Variants in CCNJL observed in about 807,000 individuals in gnomAD.
The protein encoded by CCNJL is cyclin J like, also known as cyclin-J-like protein.
A neutral mutation model predicts 33.4 loss-of-function variants in CCNJL; 33 were observed. The ratio of observed to expected loss-of-function variants is 0.99; its 90% confidence interval spans 0.75 to 1.32. The LOEUF is 1.32. CCNJL is among the 40% of genes most tolerant of loss of function. The pLI, the probability that CCNJL is intolerant of heterozygous loss-of-function variation, is 0.00. For synonymous variants in CCNJL, 227 were observed against 220.9 expected (o/e 1.03, Z -0.24); for missense variants, 512 against 499.7 (o/e 1.02, Z -0.23).
In CCNJL at chr5:160,253,510, G is replaced by A. The variant is rs753664479; in HGVS notation, c.1032C>T (p.Pro344=). 14 of 1,614,192 alleles carry A rather than the reference G, an allele frequency of 8.7e-6. No individual in the cohort carries two copies. Among genetic ancestry groups the A allele is most frequent in the Admixed American group, 3.3e-5 (2 of 60,020 alleles). ...TGCTAAGGGATGCAGGGACGGGCACGGGACACATATCCAAGGGCTGCAGCG... is the reference window on the plus strand; with the variant it reads ...TGCTAAGGGATGCAGGGACGGGCACAGGACACATATCCAAGGGCTGCAGCG... The part of the protein sequence containing the change: ...YQPLQPLDMC[P]VPVPASLSMH... Residue 344 remains proline, a synonymous_variant, in exon 6 of 6, where the codon CCC becomes CCT. Coordinates refer to ENST00000257536, the MANE Select transcript of CCNJL (RefSeq NM_001308173.3).
intron 1 of CCNJL, among the ~76,000 whole-genome samples, chr5:160,335,000 T>C (rs147545863): frequency 0.019 from 2,894 of 152,372 alleles, 85 homozygotes; most frequent in African/African-American, 0.065. Flanking sequence ...CAGTGGCTCA[T>C]GCCTCTAATC....
chr5:160,334,530 A>T (rs1329983167), intron 1 of CCNJL, among the ~76,000 whole-genome samples: 3 of 152,184 alleles, frequency 2.0e-5, no homozygotes, highest in Non-Finnish European at 4.4e-5. Context: ...CTTATGAGAT[A>T]CTACTATTAT....
intron 3 of CCNJL, among the ~76,000 whole-genome samples, chr5:160,260,458 T>C (rs183820662): frequency 3.3e-5 from 5 of 152,266 alleles, no homozygotes; most frequent in Admixed American, 2.0e-4. Context: ...TTAATCCTAC[T>C]GAGGAATTCT....
intron 3 of CCNJL, among the ~76,000 whole-genome samples, chr5:160,265,408 C>T (rs1029825613): frequency 2.0e-5 from 3 of 152,128 alleles, no homozygotes; most frequent in African/African-American, 7.2e-5. Flanking sequence ...GAGACCGAAG[C>T]AGGCGGATCA....
upstream of CCNJL, chr5:160,315,318 A>AACAC (rs57432164): frequency 0.04 from 4,203 of 103,960 alleles, 189 homozygotes; most frequent in African/African-American, 0.12. Flanking sequence ...CCCGCCCCCC[A>AACAC]ACACACACAC....
intron 3 of CCNJL, among the ~76,000 whole-genome samples, chr5:160,267,348 G>C (rs1275933017): frequency 1.3e-5 from 2 of 151,980 alleles, no homozygotes; most frequent in South Asian, 2.1e-4. Context: ...GAAAGGTTGA[G>C]TTACCCCGAT....
At chr5:160,334,084 C>T (rs533418363) in intron 1 of CCNJL, among the ~76,000 whole-genome samples, 1 of 152,206 alleles carries the variant, frequency 6.6e-6, no homozygotes, top group Non-Finnish European at 1.5e-5. Flanking sequence ...TCAGGAATCG[C>T]ATGCTGTGAC....
At chr5:160,271,223 A>G (rs1216559803) in intron 3 of CCNJL, among the ~76,000 whole-genome samples, 1 of 152,202 alleles carries the variant, frequency 6.6e-6, no homozygotes, top group Non-Finnish European at 1.5e-5. Flanking sequence ...AGTGCTAGCT[A>G]TCACAACTGA....
chr5:160,334,720 T>A (rs1763661686), intron 1 of CCNJL, among the ~76,000 whole-genome samples: 1 of 152,200 alleles, frequency 6.6e-6, no homozygotes, highest in African/African-American at 2.4e-5. Flanking sequence ...TTGTCGAGCA[T>A]TTCTCCCACA....
Position 160,295,300 on chromosome 5 carries a change from C to T in CCNJL, c.67-14562G>A, listed in dbSNP as rs183662044. Reference sequence around the variant, plus strand: ...GGTCAAGAGATCGAGACCATCCTGTCCAACAGGTGAAACCCTGTCTCTACT... The same window carrying T: ...GGTCAAGAGATCGAGACCATCCTGTTCAACAGGTGAAACCCTGTCTCTACT... On this transcript the variant is annotated intron_variant, in intron 2 of 5. Coordinates refer to ENST00000257536, the MANE Select transcript of CCNJL (RefSeq NM_001308173.3). 2.0e-3 allele frequency among the ~76,000 whole-genome samples: 299 copies of T among 152,256 alleles called. 4 individuals are homozygous for T. The highest frequency in any genetic ancestry group is 5.9e-4 in the Non-Finnish European group (40 of 68,028).
chr5:160,315,519 C>T (rs766638783), upstream of CCNJL: 2 of 323,770 alleles, frequency 6.2e-6, no homozygotes, highest in South Asian at 4.3e-5. Context: ...AAAACAAAAA[C>T]AAAAACAAGA....
At chr5:160,266,970 G>A (rs563791217) in intron 3 of CCNJL, among the ~76,000 whole-genome samples, 40 of 152,258 alleles carry the variant, frequency 2.6e-4, no homozygotes, top group African/African-American at 9.1e-4. Flanking sequence ...TGAGTGTTGC[G>A]TCCAAGGCCT....
Position 160,250,797 on chromosome 5 carries a change from C to T in CCNJL, c.*2581G>A, listed in dbSNP as rs558187167. On this transcript the variant is annotated 3_prime_UTR_variant, in exon 6 of 6. Transcript: ENST00000257536. ...ATTAGTGCATAAAATAATAGTGCAT[C>T]TTACAAAAAGCTGATCTTATGCTTG... 1 of 152,324 alleles carries T rather than the reference C, an allele frequency of 6.6e-6. No individual in the cohort carries two copies. Among genetic ancestry groups the T allele is most frequent in the East Asian group, 1.9e-4 (1 of 5,188 alleles). The allele number at this position is 152,324 out of a possible 1,614,324, so 9.4% of individuals were successfully genotyped here. A position where few individuals can be genotyped will look rare whatever the true frequency, so the allele number is the denominator to read the frequency against.
At chr5:160,305,014 C>T (rs1205362196) in intron 2 of CCNJL, among the ~76,000 whole-genome samples, 1 of 151,988 alleles carries the variant, frequency 6.6e-6, no homozygotes, top group Non-Finnish European at 1.5e-5. Flanking sequence ...CGGGGCTTCA[C>T]CTTGTTGGCC....
chr5:160,309,489 T>C lies in CCNJL; in HGVS notation c.66+2369A>G, dbSNP rs187085063. ...CAGGCAACATTCAACTAAGAGTGTC[T>C]ACTGTGTGCCACGCTCTTGTAAAGT... On this transcript the variant is annotated intron_variant, in intron 2 of 5. Coordinates refer to ENST00000257536, the MANE Select transcript of CCNJL (RefSeq NM_001308173.3). 1.9e-3 allele frequency among the ~76,000 whole-genome samples: 297 copies of C among 152,338 alleles called. 1 individual carries two copies. Among genetic ancestry groups the C allele is most frequent in the Non-Finnish European group, 3.3e-3 (224 of 68,030 alleles).
At chr5:160,284,873 C>CT (rs915499338) in intron 2 of CCNJL, among the ~76,000 whole-genome samples, 24 of 149,688 alleles carry the variant, frequency 1.6e-4, no homozygotes, top group Non-Finnish European at 1.9e-4. Context: ...CTTTTTTCAA[C>CT]TTTTTTTTTT....
chr5:160,314,073 G>A (rs1451983807), upstream of CCNJL, among the ~76,000 whole-genome samples: 1 of 152,206 alleles, frequency 6.6e-6, no homozygotes, highest in Non-Finnish European at 1.5e-5. Flanking sequence ...GTAGGCTGAG[G>A]CAGGAGAGTC....
chr5:160,327,121 A>T (rs113991220), intron 1 of CCNJL, among the ~76,000 whole-genome samples: 17 of 133,708 alleles, frequency 1.3e-4, no homozygotes, highest in South Asian at 2.2e-4. Context: ...GTTTGTATTT[A>T]AAAAAAAAAA....
intron 1 of CCNJL, among the ~76,000 whole-genome samples, chr5:160,318,059 C>T (rs2113469593): frequency 6.6e-6 from 1 of 151,800 alleles, no homozygotes; most frequent in Non-Finnish European, 1.5e-5. Context: ...ACTCTGTTGC[C>T]AGGCTGGAGT....
Sources: gnomAD v4.1 joint callset for allele counts (sites outside exome capture counted in the v4.1 genomes callset) on GRCh38, gnomAD v4.1.1 for gene constraint, MANE v1.5 for transcripts, NCBI Gene and HGNC (gene_info 2026-07-23, HGNC 2026-07-21) for gene names.